OPCML: variants seen among roughly 807,000 people sequenced by gnomAD.
OPCML encodes the protein opioid-binding protein/cell adhesion molecule.
In OPCML, 13 loss-of-function variants were observed where a neutral mutation model predicts 37.8. The observed-to-expected ratio is 0.34, with a 90% confidence interval of 0.22 to 0.55. The LOEUF is 0.55. Among genes scored for constraint, OPCML ranks in the 20% least tolerant of loss-of-function variants. The pLI is 0.91. For synonymous variants in OPCML, 176 were observed against 168.8 expected (o/e 1.04, Z -0.33); for missense variants, 341 against 435.6 (o/e 0.78, Z 1.93).
intron 2 of OPCML, among the ~76,000 whole-genome samples, chr11:132,920,021 T>G (rs2136577911): frequency 6.6e-6 from 1 of 152,114 alleles, no homozygotes; most frequent in African/African-American, 2.4e-5. Flanking sequence ...CGCTAATGGG[T>G]TTGGGCTTTC....
At chr11:132,977,816 A>C (rs1462327170) in intron 1 of OPCML, among the ~76,000 whole-genome samples, 1 of 152,228 alleles carries the variant, frequency 6.6e-6, no homozygotes, top group Non-Finnish European at 1.5e-5. Flanking sequence ...AATGCTATGG[A>C]GAATAGGACA....
At chr11:132,604,617 C>T (rs1275370848) in intron 3 of OPCML, among the ~76,000 whole-genome samples, 1 of 152,210 alleles carries the variant, frequency 6.6e-6, no homozygotes, top group African/African-American at 2.4e-5. Flanking sequence ...GATTTATCCT[C>T]TTCCCCCAAG....
At chr11:133,339,410 T>C (rs1943813089) in intron 1 of OPCML, among the ~76,000 whole-genome samples, 5 of 152,324 alleles carry the variant, frequency 3.3e-5, no homozygotes, top group Admixed American at 3.3e-4. Context: ...CCATAGCCCA[T>C]GCTCTTAGCC....
rs1312049124 is a variant in OPCML, at chr11:132,625,038, T to TC, written c.379+32048dup. Among the ~76,000 whole-genome samples, 17 of 152,162 alleles carry TC rather than the reference T, an allele frequency of 1.1e-4. No individual in the cohort carries two copies. In the East Asian group the frequency reaches 3.1e-3, roughly 28 times the overall value. ...ACTTCAACACTTCCCTCTCTCTTGT[T>TC]CCCCCCAAAATAATATGTTTAAACC... On this transcript the variant is annotated intron_variant, in intron 3 of 7. Coordinates refer to ENST00000524381, the MANE Select transcript of OPCML (RefSeq NM_001012393.5).
At chr11:132,836,405 G>T (rs1171148425) in intron 2 of OPCML, among the ~76,000 whole-genome samples, 3 of 152,246 alleles carry the variant, frequency 2.0e-5, no homozygotes, top group Middle Eastern at 3.4e-3. Context: ...GTCCCCTCAG[G>T]ATTCTCTGAG....
intron 3 of OPCML, among the ~76,000 whole-genome samples, chr11:132,573,555 A>G (rs1443111334): frequency 1.3e-5 from 2 of 151,926 alleles, no homozygotes; most frequent in African/African-American, 2.4e-5. Context: ...TGTGTATCAC[A>G]TTAATTTATT....
rs1939411802 is a variant in OPCML at position 133,212,646 on chromosome 11, C to CTCACT, written c.62-269641_62-269637dup. Among the ~76,000 whole-genome samples, 1 of 152,228 alleles carries CTCACT rather than the reference C, an allele frequency of 6.6e-6. No individual in the cohort carries two copies. The highest frequency in any genetic ancestry group is 6.5e-5 in the Admixed American group (1 of 15,286). ...TCTAACAGCCTCTGTGATTTACCTT[C>CTCACT]TCACTGTGACTGTTGTTATTGTCTG... On this transcript the variant is annotated intron_variant, in intron 1 of 7. Transcript: ENST00000524381. The surrounding 1 kb of genome is among the most constrained non-coding windows in gnomAD (Gnocchi z 4.9).
chr11:132,896,864 G>A (rs1464962272), intron 2 of OPCML, among the ~76,000 whole-genome samples: 1 of 152,192 alleles, frequency 6.6e-6, no homozygotes, highest in Non-Finnish European at 1.5e-5. Context: ...CCAATGGTGT[G>A]GGGCATGTCA....
rs1946585207 is a variant in OPCML at position 132,981,576 on chromosome 11, T to G, written c.62-38566A>C. ...TTTATAAACATTAGCAGTTGACTAT[T>G]GGCTGAAGAGGTGTTCAAGGAAAAT... On this transcript the variant is annotated intron_variant, in intron 1 of 7. Transcript: ENST00000524381. Among the ~76,000 whole-genome samples, 7 of 152,294 alleles carry G rather than the reference T, an allele frequency of 4.6e-5. No individual in the cohort carries two copies. In the South Asian group the frequency reaches 1.5e-3, roughly 32 times the overall value.
intron 4 of OPCML, among the ~76,000 whole-genome samples, chr11:132,438,415 G>A (rs988068471): frequency 6.6e-6 from 1 of 152,246 alleles, no homozygotes; most frequent in African/African-American, 2.4e-5. Context: ...ACAACCTTGT[G>A]CAAGCATGTT....
chr11:133,271,324 G>T (rs911471790), intron 1 of OPCML, among the ~76,000 whole-genome samples: 1 of 152,148 alleles, frequency 6.6e-6, no homozygotes, highest in Admixed American at 6.5e-5. Context: ...AAGGGATAAA[G>T]CACACACACA....
intron 1 of OPCML, among the ~76,000 whole-genome samples, chr11:133,190,032 C>G (rs1054437368): frequency 6.6e-6 from 1 of 152,208 alleles, no homozygotes; most frequent in African/African-American, 2.4e-5. Context: ...GACTTTACCA[C>G]TTCCATATAG....
chr11:133,115,182 G>A (rs1385686058), intron 1 of OPCML, among the ~76,000 whole-genome samples: 4 of 152,328 alleles, frequency 2.6e-5, no homozygotes, highest in Middle Eastern at 3.4e-3. Flanking sequence ...GCTCAGCAAA[G>A]CTACCTGCAT....
chr11:133,276,428 G>A (rs1266896250), intron 1 of OPCML, among the ~76,000 whole-genome samples: 1 of 152,148 alleles, frequency 6.6e-6, no homozygotes, highest in African/African-American at 2.4e-5. Context: ...TCAGCAGGAA[G>A]GATAGAGGGT....
chr11:133,530,123 G>A (rs866536668), intron 1 of OPCML, among the ~76,000 whole-genome samples: 5 of 152,164 alleles, frequency 3.3e-5, no homozygotes, highest in Admixed American at 1.3e-4. Context: ...TGTCATTGTC[G>A]TTCATCCACC....
intron 1 of OPCML, among the ~76,000 whole-genome samples, chr11:133,047,234 G>T (rs1354883165): frequency 6.6e-6 from 1 of 152,202 alleles, no homozygotes; most frequent in Non-Finnish European, 1.5e-5. Flanking sequence ...CCACTTTTAG[G>T]GGAAACCCCA....
chr11:132,752,473 T>A (rs940788722), intron 2 of OPCML, among the ~76,000 whole-genome samples: 2 of 152,082 alleles, frequency 1.3e-5, no homozygotes, highest in Admixed American at 6.6e-5. Context: ...CACTGTAAAT[T>A]GTTTGTTGAG....
chr11:132,963,616 C>T (rs1946143124), intron 1 of OPCML, among the ~76,000 whole-genome samples: 1 of 151,134 alleles, frequency 6.6e-6, no homozygotes, highest in African/African-American at 2.4e-5. Flanking sequence ...AACTGTGGCT[C>T]TTGCGGTGAG....
At position 132,997,163 on chromosome 11, in the gene OPCML, C is replaced by G. The variant is rs189825569; in HGVS notation, c.62-54153G>C. On this transcript the variant is annotated intron_variant, in intron 1 of 7. Coordinates refer to ENST00000524381, the MANE Select transcript of OPCML (RefSeq NM_001012393.5). ...ATTTGGGACTCTAGGTCCCCAGGACCTGGGAGATAGCCATCACTCCTGTGC... is the reference window on the plus strand; with the variant it reads ...ATTTGGGACTCTAGGTCCCCAGGACGTGGGAGATAGCCATCACTCCTGTGC... Among the ~76,000 whole-genome samples the G allele has an allele frequency of 2.0e-3, 300 of 152,308 alleles. 1 individual carries two copies. Among genetic ancestry groups the G allele is most frequent in the African/African-American group, 6.8e-3 (284 of 41,552 alleles).
Sources: allele counts gnomAD v4.1 joint callset (sites outside exome capture counted in the v4.1 genomes callset), GRCh38; gene constraint gnomAD v4.1.1; non-coding constraint Gnocchi (gnomAD v3.1); transcripts MANE v1.5; gene names NCBI Gene and HGNC (gene_info 2026-07-23, HGNC 2026-07-21).